Variants in PACC1 observed in about 807,000 individuals in gnomAD.
PACC1 encodes proton-activated chloride channel.
In PACC1, 34 loss-of-function variants were observed where a neutral mutation model predicts 39.7. That is an observed-to-expected ratio of 0.86 (90% CI 0.65 to 1.14). The LOEUF is 1.14. Ranked by LOEUF, PACC1 falls within the 50% of genes most tolerant of loss-of-function variation. The probability of loss-of-function intolerance (pLI) is 0.00; values close to 1 mark genes in which losing one functional copy is unlikely to be tolerated. For synonymous variants in PACC1, 127 were observed against 160.6 expected, an observed-to-expected ratio of 0.79 and a Z score of 1.58; for missense variants, 379 against 436.4, an observed-to-expected ratio of 0.87 and a Z score of 1.17.
chr1:212,376,018 G>T (rs76432728), intron 6 of PACC1, among the ~76,000 whole-genome samples: 23,458 of 152,150 alleles, frequency 0.15, 2,496 homozygotes, highest in East Asian at 0.37. Context: ...TTCAACGCTT[G>T]TTTCAACCCT....
rs772277298 is a variant in PACC1, at chr1:212,377,719, AAGG to A, written c.639-16_639-14del. ...TACCCTGTTTGGGCTTGGAGGAAGG[AAGG>A]AGAAGGAAGATCCAGGTCAATGCAG... On this transcript the variant is annotated splice_polypyrimidine_tract_variant and intron_variant, in intron 5 of 7. Coordinates refer to ENST00000261455, the MANE Select transcript of PACC1 (RefSeq NM_018252.3). 2.1e-5 allele frequency: 34 copies of A among 1,613,502 alleles called. No homozygotes were observed. The highest frequency in any genetic ancestry group is 3.3e-5 in the Admixed American group (2 of 59,966).
At chr1:212,387,744 G>C (rs571405780) in intron 2 of PACC1, 2 of 152,570 alleles carry the variant, frequency 1.3e-5, no homozygotes, top group African/African-American at 4.8e-5. Context: ...TTCCATGGAA[G>C]CATTTTAATT....
rs1473010104 is a variant in PACC1 at position 212,414,772 on chromosome 1, C to T, written c.-15G>A. The T allele has an allele frequency of 9.9e-6, 16 of 1,612,940 alleles. No individual in the cohort carries two copies. The highest frequency in any genetic ancestry group is 1.3e-5 in the Non-Finnish European group (15 of 1,179,080). On this transcript the variant is annotated 5_prime_UTR_variant, in exon 1 of 8. Coordinates refer to ENST00000261455, the MANE Select transcript of PACC1 (RefSeq NM_018252.3). ...TGCCGGATCATGGCACTGACCAGAGCTTCGGCACACCTGAGACCGCCCCAG... is the reference window on the plus strand; with the variant it reads ...TGCCGGATCATGGCACTGACCAGAGTTTCGGCACACCTGAGACCGCCCCAG...
chr1:212,382,078 G>T (rs1660919079), intron 4 of PACC1, among the ~76,000 whole-genome samples: 1 of 151,440 alleles, frequency 6.6e-6, no homozygotes. Context: ...TCGCTCTGTT[G>T]CCCAAGCTGG....
Position 212,385,309 on chromosome 1 carries a change from T to A in PACC1, c.460A>T (p.Ile154Phe), listed in dbSNP as rs1661058470. 6.2e-7 allele frequency: 1 copy of A among 1,613,980 alleles called. No homozygotes were observed. The highest frequency in any genetic ancestry group is 8.5e-7 in the Non-Finnish European group (1 of 1,179,992). Reference protein sequence around the residue: ...PGDMNCTTQRINYTDPFSNQT... With the variant: ...PGDMNCTTQRFNYTDPFSNQT... ...TTGGAGAAGGGGTCCGTGTAGTTGA[T>A]CCTCTGGGTGGTGCAATTCATGTCA... is the stretch of plus-strand genomic sequence containing the variant. Residue 154 changes from isoleucine to phenylalanine, a missense_variant, in exon 4 of 8, where the codon ATC becomes TTC. Transcript: ENST00000261455.
Position 212,375,196 on chromosome 1 carries a change from T to G in PACC1, c.888A>C (p.Gln296His). The G allele has an allele frequency of 6.2e-7, 1 of 1,610,708 alleles. No homozygotes were observed. Among genetic ancestry groups the G allele is most frequent in the Non-Finnish European group, 8.5e-7 (1 of 1,177,068 alleles). ...TATCATAATCTTAAATACTCACATCTTGGACTTTCTGGATGAAAGGATCTT... is the reference window on the plus strand; with the variant it reads ...TATCATAATCTTAAATACTCACATCGTGGACTTTCTGGATGAAAGGATCTT... ...EWKDPFIQKV[Q>H]DIVTANPWNT... The change falls in exon 7 of 8, where the codon CAA becomes CAC. Residue 296 changes from glutamine to histidine, a missense_variant. By Grantham distance (24) the Gln-to-His change is conservative (BLOSUM62 0). Transcript: ENST00000261455.
Position 212,365,462 on chromosome 1 carries a change from G to A in PACC1, c.892-86C>T, listed in dbSNP as rs537692214. On this transcript the variant is annotated intron_variant, in intron 7 of 7. Transcript: ENST00000261455. ...TTTTTTTTTTTTGAGATGGAGTTTC[G>A]CTCTTGTCACCCAGGCTTGTGTGCG... is the stretch of plus-strand genomic sequence containing the variant. 2.1e-5 allele frequency: 28 copies of A among 1,357,516 alleles called. 1 individual carries two copies. Among genetic ancestry groups the A allele is most frequent in the South Asian group, 9.0e-5 (6 of 66,716 alleles). The allele number at this position is 1,357,516 out of a possible 1,614,324, so 84.1% of individuals were successfully genotyped here.
chr1:212,381,316 T>C (rs1660871435), intron 4 of PACC1, among the ~76,000 whole-genome samples: 1 of 152,240 alleles, frequency 6.6e-6, no homozygotes, highest in Non-Finnish European at 1.5e-5. Flanking sequence ...TGCAAACTTT[T>C]GCACGTGGAA....
At chr1:212,366,943 A>T (rs10779579) in intron 7 of PACC1, among the ~76,000 whole-genome samples, 126,064 of 152,172 alleles carry the variant, frequency 0.83, 52,592 homozygotes, top group African/African-American at 0.93. Context: ...GCTATGAAAC[A>T]GTTTCCTGTA....
intron 7 of PACC1, among the ~76,000 whole-genome samples, chr1:212,374,860 TTAC>T (rs1211972303): frequency 2.6e-5 from 4 of 152,174 alleles, no homozygotes; most frequent in African/African-American, 4.8e-5. Context: ...TCAACGAACA[TTAC>T]TACTAAGCAG....
intron 2 of PACC1, among the ~76,000 whole-genome samples, chr1:212,389,866 A>G (rs1284573411): frequency 6.6e-6 from 1 of 152,196 alleles, no homozygotes; most frequent in Admixed American, 6.5e-5. Context: ...GTATCTAACC[A>G]CTGTAAAAAT....
intron 5 of PACC1, 29 bp from the exon 6 acceptor site, chr1:212,377,735 C>T: frequency 6.2e-7 from 1 of 1,609,672 alleles, no homozygotes; most frequent in Non-Finnish European, 8.5e-7. Flanking sequence ...AAGGAAGATC[C>T]AGGTCAATGC....
intron 5 of PACC1, among the ~76,000 whole-genome samples, chr1:212,379,210 T>C (rs1362707839): frequency 6.6e-6 from 1 of 152,140 alleles, no homozygotes; most frequent in Admixed American, 6.5e-5. Flanking sequence ...CCCAAAGTGG[T>C]AGGATTACAG....
In PACC1 at chr1:212,386,635, T is replaced by C. The variant is rs564391092; in HGVS notation, c.343+256A>G. On this transcript the variant is annotated intron_variant, in intron 3 of 7. Coordinates refer to ENST00000261455, the MANE Select transcript of PACC1 (RefSeq NM_018252.3). This position sits in a 1 kb window ranked among gnomAD's most constrained non-coding sequence, Gnocchi z 5.0. ...GCTTTTCGAGGCCCATCTCAAATCC[T>C]ACCTCTCTGCCAAGCTTTCCCTGAC... Among the ~76,000 whole-genome samples, 4 of 152,270 alleles carry C rather than the reference T, an allele frequency of 2.6e-5. No homozygotes were observed. Among genetic ancestry groups the C allele is most frequent in the African/African-American group, 9.6e-5 (4 of 41,548 alleles).
intron 7 of PACC1, among the ~76,000 whole-genome samples, chr1:212,370,968 C>CCGGGCG (rs1191876199): frequency 5.9e-5 from 9 of 152,142 alleles, no homozygotes; most frequent in African/African-American, 2.2e-4. Flanking sequence ...TTGTTTGAGG[C>CCGGGCG]CGGGCGCAGT....
chr1:212,383,956 A>T (rs1661000467), intron 4 of PACC1, among the ~76,000 whole-genome samples: 1 of 152,142 alleles, frequency 6.6e-6, no homozygotes, highest in African/African-American at 2.4e-5. Context: ...GGGAGGGTAT[A>T]GGGTGTGTCT....
intron 7 of PACC1, among the ~76,000 whole-genome samples, chr1:212,367,531 C>G (rs544396180): frequency 1.3e-5 from 2 of 152,346 alleles, no homozygotes; most frequent in Non-Finnish European, 2.9e-5. Context: ...TCTGGGCCCA[C>G]TTTACAATAG....
At chr1:212,379,783 A>T in intron 5 of PACC1, 112 bp downstream of exon 5, 1 of 1,350,696 alleles carries the variant, frequency 7.4e-7, no homozygotes, top group Non-Finnish European at 1.0e-6. Context: ...GTCATCTGAG[A>T]ATGCCCCTTC....
At chr1:212,401,916 C>A (rs768941845) in intron 2 of PACC1, among the ~76,000 whole-genome samples, 3 of 152,124 alleles carry the variant, frequency 2.0e-5, no homozygotes, top group Non-Finnish European at 4.4e-5. Flanking sequence ...CTCAAGTGAT[C>A]CACCCGCCTT....
Sources: gnomAD v4.1 joint callset for allele counts (sites outside exome capture counted in the v4.1 genomes callset) on GRCh38, gnomAD v4.1.1 for gene constraint, Gnocchi (gnomAD v3.1) non-coding constraint, MANE v1.5 for transcripts, NCBI Gene and HGNC (gene_info 2026-07-23, HGNC 2026-07-21) for gene names.